TMED3: variants seen among roughly 807,000 people sequenced by gnomAD.
TMED3 encodes transmembrane emp24 domain-containing protein 3.
In TMED3, 9 loss-of-function variants were observed where a neutral mutation model predicts 15.0. The observed-to-expected ratio is 0.60, with a 90% CI of 0.36 to 1.04. TMED3 has a LOEUF of 1.04. Ranked by LOEUF, TMED3 falls within the 50% of genes least tolerant of loss-of-function variation. TMED3 has a pLI of 0.01. For synonymous variants in TMED3, 117 were observed against 121.4 expected, an observed-to-expected ratio of 0.96 and a Z score of 0.24; for missense variants, 267 against 278.9, an observed-to-expected ratio of 0.96 and a Z score of 0.30.
intron 2 of TMED3, among the ~76,000 whole-genome samples, chr15:79,352,912 A>T (rs1217187095): frequency 8.0e-6 from 1 of 125,006 alleles, no homozygotes; most frequent in Non-Finnish European, 1.6e-5. Context: ...TACATATAAT[A>T]TATATAAAAT....
chr15:79,388,395 C>T (rs1893654082), intron 2 of TMED3, among the ~76,000 whole-genome samples: 1 of 151,188 alleles, frequency 6.6e-6, no homozygotes, highest in Non-Finnish European at 1.5e-5. Flanking sequence ...TATTTTTCTC[C>T]CTTAATCTGT....
chr15:79,355,464 C>A (rs568706164), intron 2 of TMED3, among the ~76,000 whole-genome samples: 1 of 152,154 alleles, frequency 6.6e-6, no homozygotes, highest in East Asian at 1.9e-4. Flanking sequence ...AGGAGTGACT[C>A]AGCCAGAAAG....
Position 79,318,668 on chromosome 15 carries a change from C to T in TMED3, c.418-3310C>T, listed in dbSNP as rs142947335. On this transcript the variant is annotated intron_variant, in intron 2 of 2. Transcript: ENST00000299705. ...GACACAGGTTCACATAGGTTAAGCC[C>T]GACTCCACATTGACCTCTTTCCTGC... Among the ~76,000 whole-genome samples, 4 of 152,322 alleles carry T rather than the reference C, an allele frequency of 2.6e-5. No individual in the cohort carries two copies. In the East Asian group the frequency reaches 7.7e-4, roughly 29 times the overall value.
At chr15:79,387,540 C>T (rs1042340872) in intron 2 of TMED3, among the ~76,000 whole-genome samples, 1 of 151,770 alleles carries the variant, frequency 6.6e-6, no homozygotes, top group Non-Finnish European at 1.5e-5. Flanking sequence ...TTTGCATTTC[C>T]GTGAAAATGT....
chr15:79,400,896 A>T (rs1893825108), intron 2 of TMED3, among the ~76,000 whole-genome samples: 1 of 152,236 alleles, frequency 6.6e-6, no homozygotes, highest in African/African-American at 2.4e-5. Context: ...AATGCGGCAT[A>T]CATTGCCTTC....
At chr15:79,411,518 G>A (rs186399034) in exon 3 of TMED3, 1 of 701,718 alleles carries the variant, frequency 1.4e-6, no homozygotes, top group Non-Finnish European at 2.6e-6. Context: ...ATTTTCAGCG[G>A]GGAGGCACTG....
chr15:79,406,274 C>T (rs988210928), intron 2 of TMED3, among the ~76,000 whole-genome samples: 1 of 152,196 alleles, frequency 6.6e-6, no homozygotes. Context: ...ACCCTTTGTG[C>T]TTTAATAGCC....
chr15:79,351,929 G>C (rs2058892534), intron 2 of TMED3, among the ~76,000 whole-genome samples: 1 of 152,112 alleles, frequency 6.6e-6, no homozygotes, highest in Non-Finnish European at 1.5e-5. Context: ...AACGTGGACT[G>C]AATTGGAGAC....
At chr15:79,407,737 T>C (rs2141259689) in intron 2 of TMED3, among the ~76,000 whole-genome samples, 1 of 152,342 alleles carries the variant, frequency 6.6e-6, no homozygotes, top group East Asian at 1.9e-4. Context: ...ATAGGGGCTG[T>C]ATGGTCTGCA....
chr15:79,329,346 T>C (rs2058799042), intron 2 of TMED3, among the ~76,000 whole-genome samples: 1 of 152,174 alleles, frequency 6.6e-6, no homozygotes. Flanking sequence ...CCAGAATCAC[T>C]GGAACATGTT....
At chr15:79,411,184 T>A (rs568268837) in intron 2 of TMED3, among the ~76,000 whole-genome samples, 1 of 152,188 alleles carries the variant, frequency 6.6e-6, no homozygotes, top group Non-Finnish European at 1.5e-5. Flanking sequence ...GTTCAATTTA[T>A]CTTGTGGTTC....
intron 2 of TMED3, among the ~76,000 whole-genome samples, chr15:79,331,935 C>T (rs1255475301): frequency 1.3e-5 from 2 of 152,232 alleles, no homozygotes; most frequent in South Asian, 4.1e-4. Flanking sequence ...AAAGGGAACT[C>T]TTATACACTG....
At chr15:79,355,981 A>G (rs912831528) in intron 2 of TMED3, among the ~76,000 whole-genome samples, 1 of 152,220 alleles carries the variant, frequency 6.6e-6, no homozygotes, top group African/African-American at 2.4e-5. Flanking sequence ...TCATTATTAT[A>G]AACTAAATGT....
At chr15:79,382,606 G>A (rs1340222867) in intron 2 of TMED3, among the ~76,000 whole-genome samples, 2 of 152,180 alleles carry the variant, frequency 1.3e-5, no homozygotes, top group African/African-American at 4.8e-5. Context: ...AGCTGTGTCT[G>A]CCCTTCACAA....
intron 2 of TMED3, among the ~76,000 whole-genome samples, chr15:79,350,010 C>T (rs62025974): frequency 0.45 from 69,039 of 151,996 alleles, 15,917 homozygotes; most frequent in African/African-American, 0.53. Context: ...TTTCTGTTTC[C>T]TTCCAGTAGA....
intron 2 of TMED3, among the ~76,000 whole-genome samples, chr15:79,348,978 A>G (rs536287485): frequency 6.6e-6 from 1 of 152,114 alleles, no homozygotes; most frequent in South Asian, 2.1e-4. Flanking sequence ...AGATGGCACT[A>G]CAGGTGCACA....
intron 2 of TMED3, among the ~76,000 whole-genome samples, chr15:79,355,183 A>C (rs925306929): frequency 6.6e-6 from 1 of 152,130 alleles, no homozygotes; most frequent in Non-Finnish European, 1.5e-5. Context: ...TAACTCCAAA[A>C]CACTGTGTAC....
intron 1 of TMED3, among the ~76,000 whole-genome samples, chr15:79,311,801 C>T (rs952089814): frequency 1.4e-4 from 22 of 152,090 alleles, no homozygotes; most frequent in Non-Finnish European, 2.4e-4. Context: ...CTTGTGCCTT[C>T]GAGTACTGAA....
chr15:79,338,509 C>T lies in TMED3; in HGVS notation c.417+24504C>T, dbSNP rs376440718. Among the ~76,000 whole-genome samples the T allele has an allele frequency of 1.1e-4, 17 of 151,922 alleles. No homozygotes were observed. The East Asian group carries it at 1.4e-3, about 12-fold the overall frequency. On this transcript the variant is annotated intron_variant, in intron 2 of 2. Coordinates refer to the TMED3 transcript ENST00000424155. ...TGTGGGCGGCAAGCCACCCAGGTGCCGAGGCAAGAGACCGAGGACACGAGC... is the reference window on the plus strand; with the variant it reads ...TGTGGGCGGCAAGCCACCCAGGTGCTGAGGCAAGAGACCGAGGACACGAGC...
Sources: allele counts gnomAD v4.1 joint callset (sites outside exome capture counted in the v4.1 genomes callset), GRCh38; gene constraint gnomAD v4.1.1; transcripts MANE v1.5; gene names NCBI Gene and HGNC (gene_info 2026-07-23, HGNC 2026-07-21).